CCDC40: variants seen among roughly 807,000 people sequenced by gnomAD.
CCDC40 encodes coiled-coil domain-containing protein 40.
Under a neutral mutation model 124.5 loss-of-function variants are expected in CCDC40, and 104 were observed. The ratio of observed to expected loss-of-function variants is 0.84; its 90% CI spans 0.71 to 0.98. CCDC40 has a LOEUF of 0.98. Among genes scored for constraint, CCDC40 ranks in the 50% least tolerant of loss-of-function variants. The pLI, the probability that CCDC40 is intolerant of heterozygous loss-of-function variation, is 0.00. For missense variants in CCDC40, 1,463 were observed against 1,503.9 expected, an observed-to-expected ratio of 0.97 and a Z score of 0.45; for synonymous variants, 580 against 602.9, an observed-to-expected ratio of 0.96 and a Z score of 0.56.
chr17:80,067,792 G>A (rs901101594), intron 10 of CCDC40: 22 of 1,455,656 alleles, frequency 1.5e-5, no homozygotes, highest in African/African-American at 8.5e-5. Flanking sequence ...CCCCGGCAGC[G>A]GTGTTTCAAA....
At chr17:80,084,283 C>T (rs1020297151) in intron 12 of CCDC40, among the ~76,000 whole-genome samples, 3 of 152,174 alleles carry the variant, frequency 2.0e-5, no homozygotes, top group African/African-American at 7.2e-5. Flanking sequence ...AAACAGGCAC[C>T]TCCTTCACAA....
rs1210881692 is a variant in CCDC40, at chr17:80,058,091, T to C, written c.1160-403T>C. On this transcript the variant is annotated intron_variant, in intron 7 of 19. Coordinates refer to ENST00000397545, the MANE Select transcript of CCDC40 (RefSeq NM_017950.4). The surrounding 1 kb of genome is among the most constrained non-coding windows in gnomAD (Gnocchi z 4.2). ...GTGGAGCTCAGCCTGCCCTGGATGTTCTCGTCTCCTCCCAGGGGACTTAAG... is the reference window on the plus strand; with the variant it reads ...GTGGAGCTCAGCCTGCCCTGGATGTCCTCGTCTCCTCCCAGGGGACTTAAG... 6.6e-6 allele frequency among the ~76,000 whole-genome samples: 1 copy of C among 152,110 alleles called. No homozygotes were observed. Among genetic ancestry groups the C allele is most frequent in the Non-Finnish European group, 1.5e-5 (1 of 68,014 alleles).
At chr17:80,094,829 G>A (rs1362381933) in intron 17 of CCDC40, among the ~76,000 whole-genome samples, 1 of 152,088 alleles carries the variant, frequency 6.6e-6, no homozygotes, top group Non-Finnish European at 1.5e-5. Flanking sequence ...CAATCCTCAC[G>A]CTACAACCCA....
rs920655572 is a variant in CCDC40, at chr17:80,066,804, A to G, written c.1562+1198A>G. ...TCCTTCACTCCCTTGAGTCAACAAC[A>G]TAAAGCCAAAGGGAACACTGTGGTT... On this transcript the variant is annotated intron_variant, in intron 10 of 19. Transcript: ENST00000397545. The surrounding 1 kb of genome is among the most constrained non-coding windows in gnomAD (Gnocchi z 4.4). 2 of 152,528 alleles carry G rather than the reference A, an allele frequency of 1.3e-5. No homozygotes were observed. Among genetic ancestry groups the G allele is most frequent in the Admixed American group, 6.5e-5 (1 of 15,284 alleles). The allele number at this position is 152,528 out of a possible 1,614,324, so 9.4% of individuals were successfully genotyped here.
At chr17:80,053,404 C>T (rs966368046) in intron 7 of CCDC40, among the ~76,000 whole-genome samples, 1 of 152,146 alleles carries the variant, frequency 6.6e-6, no homozygotes, top group Non-Finnish European at 1.5e-5. Context: ...CAGGACCTAT[C>T]CCAGCCCAGA....
chr17:80,037,690 GATATACATATATATATAT>G lies in CCDC40; in HGVS notation c.30-427_30-410del, dbSNP rs1431818550. 1.2e-3 allele frequency among the ~76,000 whole-genome samples: 107 copies of G among 92,088 alleles called. 3 individuals carry two copies. The highest frequency in any genetic ancestry group is 5.9e-3 in the South Asian group (17 of 2,858). 60.4% of individuals were successfully genotyped at this position (92,088 alleles called of 152,430 possible). A position where few individuals can be genotyped will look rare whatever the true frequency, so the allele number is the denominator to read the frequency against. ...CTTGAATCTTTAATTTTTTAAAAAA[GATATACATATATATATAT>G]ATATATATATATTCCTGTGCTACGT... On this transcript the variant is annotated intron_variant, in intron 1 of 19. Transcript: ENST00000397545.
chr17:80,080,102 G>A (rs564166377), intron 10 of CCDC40, among the ~76,000 whole-genome samples: 1 of 152,136 alleles, frequency 6.6e-6, no homozygotes, highest in South Asian at 2.1e-4. Context: ...GCACACACCT[G>A]TAATCCCAGC....
intron 5 of CCDC40, among the ~76,000 whole-genome samples, 186 bp from the exon 6 acceptor site, chr17:80,049,720 T>C (rs919740733): frequency 6.6e-6 from 1 of 152,006 alleles, no homozygotes; most frequent in Non-Finnish European, 1.5e-5. Context: ...GTGCCTCAGA[T>C]GAGACCATGA....
In CCDC40 at chr17:80,050,191, C is replaced by T. The variant is rs200448007; in HGVS notation, c.1067C>T (p.Ser356Leu). Residue 356 changes from serine to leucine, a missense_variant, in exon 7 of 20, where the codon TCG (serine) becomes TTG (leucine). By Grantham distance (145) the Ser-to-Leu change is moderately radical. Transcript: ENST00000397545. ...AGTCACGACCGCCACGCAATGGCCTCGAGCGAGCGCAGGCAGAAGGAGGAG... is the reference window on the plus strand; with the variant it reads ...AGTCACGACCGCCACGCAATGGCCTTGAGCGAGCGCAGGCAGAAGGAGGAG... ...EKSHDRHAMA[S>L]SERRQKEEEL... The T allele has an allele frequency of 3.7e-5, 60 of 1,612,072 alleles. No individual in the cohort carries two copies. The African/African-American group carries it at 6.0e-4, about 16-fold the overall frequency.
rs1370032229 is a variant in CCDC40 at position 80,040,289 on chromosome 17, T to C, written c.552+19T>C. The C allele has an allele frequency of 6.2e-7, 1 of 1,610,638 alleles. No homozygotes were observed. Among genetic ancestry groups the C allele is most frequent in the Admixed American group, 1.7e-5 (1 of 59,762 alleles). ...CAGATTGGTGAGTAGCCCTGACTTCTGTTTTGTGCCAGTGTCGCACGGCCC... is the reference window on the plus strand; with the variant it reads ...CAGATTGGTGAGTAGCCCTGACTTCCGTTTTGTGCCAGTGTCGCACGGCCC... On this transcript the variant is annotated intron_variant, in intron 3 of 19. Coordinates refer to ENST00000397545, the MANE Select transcript of CCDC40 (RefSeq NM_017950.4).
chr17:80,047,106 A>G (rs887634554), intron 3 of CCDC40, among the ~76,000 whole-genome samples, 173 bp from the exon 4 acceptor site: 3 of 152,212 alleles, frequency 2.0e-5, no homozygotes, highest in African/African-American at 7.2e-5. Context: ...TTGGCCTCCC[A>G]AAGTGCTGGG....
rs147790630 is a variant in CCDC40, at chr17:80,061,856, T to TCCCTAACCCTAACCCTAA, written c.1440+2880_1440+2897dup. On this transcript the variant is annotated intron_variant, in intron 9 of 19. Coordinates refer to ENST00000397545, the MANE Select transcript of CCDC40 (RefSeq NM_017950.4). ...GATATGATCATATGCAGCCACTCCC[T>TCCCTAACCCTAACCCTAA]CCCTAACCCTAACCCTAACCCCGCA... Among the ~76,000 whole-genome samples, 1,187 of 151,938 alleles carry TCCCTAACCCTAACCCTAA rather than the reference T, an allele frequency of 7.8e-3. 15 individuals carry two copies. Among genetic ancestry groups the TCCCTAACCCTAACCCTAA allele is most frequent in the African/African-American group, 0.026 (1,087 of 41,352 alleles).
intron 3 of CCDC40, among the ~76,000 whole-genome samples, chr17:80,044,704 A>ATATATATATATAT (rs1485851817): frequency 0.012 from 424 of 36,440 alleles, 3 homozygotes; most frequent in African/African-American, 0.017. Context: ...AAAACAAACA[A>ATATATATATATAT]ACAAAAAAAA....
chr17:80,090,383 A>G lies in CCDC40; in HGVS notation c.2832+499A>G, dbSNP rs62075574. The stretch of plus-strand genomic sequence containing the variant: ...AGGCACGTGCACGAACACAGGACAC[A>G]CACAGCACGTGCATGAACAACACAG... On this transcript the variant is annotated intron_variant, in intron 17 of 19. Coordinates refer to ENST00000397545, the MANE Select transcript of CCDC40 (RefSeq NM_017950.4). 3.7e-3 allele frequency: 3,948 copies of G among 1,072,064 alleles called. 567 individuals carry two copies. The highest frequency in any genetic ancestry group is 4.5e-3 in the Non-Finnish European group (3,400 of 762,094). The allele number at this position is 1,072,064 out of a possible 1,614,324, so 66.4% of individuals were successfully genotyped here.
chr17:80,095,430 G>A lies in CCDC40; in HGVS notation c.3000G>A (p.Arg1000=), dbSNP rs746363144. The A allele has an allele frequency of 6.2e-5, 100 of 1,614,080 alleles. 1 individual carries two copies. The highest frequency in any genetic ancestry group is 6.1e-5 in the Non-Finnish European group (72 of 1,180,054). Residue 1000 remains arginine, a synonymous_variant, in exon 18 of 20, where the codon CGG becomes CGA. Transcript: ENST00000397545. ...DFHHKQLELR[R]KIRDVRKATD... ...ACCACAAGCAGCTTGAGCTGCGCCG[G>A]AAAATCAGGGACGTTCGCAAGGTAG...
At position 80,038,129 on chromosome 17, in the gene CCDC40, T is replaced by C; in HGVS notation, c.36T>C (p.His12=). ...AEPGGAAGRS[H]PEDGSASEGE... ...ATTGTTTCTCTAAAACCAGGTCCCATCCGGAAGATGGATCGGCTTCTGAGG... is the reference window on the plus strand; with the variant it reads ...ATTGTTTCTCTAAAACCAGGTCCCACCCGGAAGATGGATCGGCTTCTGAGG... The change falls in exon 2 of 20, where the codon CAT becomes CAC. Residue 12 remains histidine, a synonymous_variant. Transcript: ENST00000397545. The C allele has an allele frequency of 4.3e-6, 7 of 1,609,580 alleles. No homozygotes were observed. The highest frequency in any genetic ancestry group is 6.0e-6 in the Non-Finnish European group (7 of 1,176,276).
intron 12 of CCDC40, 31 bp from the exon 13 acceptor site, chr17:80,084,712 T>C (rs1375545211): frequency 6.2e-7 from 1 of 1,612,890 alleles, no homozygotes; most frequent in African/African-American, 1.3e-5. Context: ...GTGGGGGCAA[T>C]ATTCACAGGT....
chr17:80,083,429 C>T (rs567123396), intron 12 of CCDC40, among the ~76,000 whole-genome samples: 18 of 152,256 alleles, frequency 1.2e-4, no homozygotes, highest in Non-Finnish European at 2.2e-4. Flanking sequence ...ACAGGCGTGG[C>T]GGGAGGAGAA....
intron 3 of CCDC40, among the ~76,000 whole-genome samples, chr17:80,042,340 G>A (rs1052088991): frequency 4.6e-5 from 7 of 152,218 alleles, no homozygotes; most frequent in South Asian, 2.1e-4. Context: ...GGCTGGTCTC[G>A]AACTCCTGCC....
Sources: gnomAD v4.1 joint callset for allele counts (sites outside exome capture counted in the v4.1 genomes callset) on GRCh38, gnomAD v4.1.1 for gene constraint, Gnocchi (gnomAD v3.1) non-coding constraint, MANE v1.5 for transcripts, NCBI Gene and HGNC (gene_info 2026-07-23, HGNC 2026-07-21) for gene names.